Variants in FSTL4 observed in about 807,000 individuals in gnomAD.
FSTL4 encodes follistatin-related protein 4.
FSTL4 carries 28 observed loss-of-function variants against 78.2 expected under a neutral mutation model. The ratio of observed to expected loss-of-function variants is 0.36; its 90% CI spans 0.27 to 0.49. The LOEUF (loss-of-function observed/expected upper bound fraction) is 0.49. Ranked by LOEUF, FSTL4 falls within the 20% of genes least tolerant of loss-of-function variation. The pLI, the probability that FSTL4 is intolerant of heterozygous loss-of-function variation, is 0.98. For missense variants in FSTL4, 922 were observed against 1,084.9 expected (o/e 0.85, Z 2.11); for synonymous variants, 422 against 440.5 (o/e 0.96, Z 0.53).
chr5:133,530,394 C>T (rs1231774289), intron 3 of FSTL4, among the ~76,000 whole-genome samples: 2 of 152,224 alleles, frequency 1.3e-5, no homozygotes, highest in Admixed American at 1.3e-4. Context: ...TCAGCACCTT[C>T]GCTGCCTGCT....
rs565788509 is a variant in FSTL4 at position 133,541,466 on chromosome 5, G to A, written c.160+25720C>T. Reference sequence around the variant, plus strand: ...ACCCTGTCATCTACGATTTGGCCTCGAAGTCCTACAGCATCACTTCCACAA... The same window carrying A: ...ACCCTGTCATCTACGATTTGGCCTCAAAGTCCTACAGCATCACTTCCACAA... On this transcript the variant is annotated intron_variant, in intron 3 of 15. Coordinates refer to ENST00000265342, the MANE Select transcript of FSTL4 (RefSeq NM_015082.2). 3.9e-5 allele frequency among the ~76,000 whole-genome samples: 6 copies of A among 152,200 alleles called. No homozygotes were observed. The East Asian group carries it at 5.8e-4, about 15-fold the overall frequency.
intron 4 of FSTL4, among the ~76,000 whole-genome samples, chr5:133,350,543 CT>C: frequency 6.6e-6 from 1 of 152,346 alleles, no homozygotes; most frequent in Admixed American, 6.5e-5. Context: ...GTTTTCTTTC[CT>C]ACAATCAAAA....
the FSTL4 span, among the ~76,000 whole-genome samples, chr5:133,766,505 G>C: frequency 6.6e-6 from 1 of 152,198 alleles, no homozygotes; most frequent in South Asian, 2.1e-4. Flanking sequence ...GAATTTATTG[G>C]TTGCCTGGAG....
At chr5:133,594,668 G>A (rs2112970544) in intron 2 of FSTL4, among the ~76,000 whole-genome samples, 1 of 152,334 alleles carries the variant, frequency 6.6e-6, no homozygotes, top group South Asian at 2.1e-4. Context: ...CCACATGAAA[G>A]CCTACTTACC....
chr5:133,770,062 C>T, the FSTL4 span, among the ~76,000 whole-genome samples: 40 of 151,712 alleles, frequency 2.6e-4, no homozygotes, highest in South Asian at 6.3e-4. Flanking sequence ...AGTAGTATTC[C>T]GTGGGGTGTG....
chr5:133,795,295 G>A, the FSTL4 span, among the ~76,000 whole-genome samples: 1 of 152,328 alleles, frequency 6.6e-6, no homozygotes, highest in East Asian at 1.9e-4. Flanking sequence ...TGCAGAGTGA[G>A]CAAATGCGCC....
intron 2 of FSTL4, among the ~76,000 whole-genome samples, chr5:133,571,822 C>T (rs1760161692): frequency 6.6e-6 from 1 of 152,062 alleles, no homozygotes. Flanking sequence ...GAAGCTAGAT[C>T]AGTAAAAATT....
At chr5:133,297,938 C>G (rs949276444) in intron 6 of FSTL4, among the ~76,000 whole-genome samples, 12 of 152,306 alleles carry the variant, frequency 7.9e-5, no homozygotes, top group Admixed American at 2.0e-4. Context: ...TATCCCTAGC[C>G]ACTGGTACCT....
the FSTL4 span, among the ~76,000 whole-genome samples, chr5:133,764,234 T>G: frequency 6.6e-6 from 1 of 152,150 alleles, no homozygotes; most frequent in African/African-American, 2.4e-5. Context: ...AGCCCAGCCT[T>G]CCTAGAAAAC....
the FSTL4 span, among the ~76,000 whole-genome samples, chr5:133,626,561 C>T: frequency 6.6e-6 from 1 of 150,910 alleles, no homozygotes; most frequent in Admixed American, 6.6e-5. Context: ...TGCTTTATGT[C>T]CCATAATTTT....
At chr5:133,756,518 T>C in the FSTL4 span, among the ~76,000 whole-genome samples, 1 of 152,050 alleles carries the variant, frequency 6.6e-6, no homozygotes, top group Non-Finnish European at 1.5e-5. Flanking sequence ...GTTTTAAAGC[T>C]CTAAATTCCA....
At chr5:133,358,964 C>G (rs1755007011) in intron 4 of FSTL4, among the ~76,000 whole-genome samples, 1 of 152,212 alleles carries the variant, frequency 6.6e-6, no homozygotes, top group Admixed American at 6.5e-5. Flanking sequence ...ATGATCCCAA[C>G]ATGCAGAGTG....
chr5:133,545,180 T>G (rs1759550883), intron 3 of FSTL4, among the ~76,000 whole-genome samples: 1 of 152,172 alleles, frequency 6.6e-6, no homozygotes, highest in Non-Finnish European at 1.5e-5. Context: ...GCCTGACTTC[T>G]GGACAAAAAG....
chr5:133,362,638 T>C (rs1176100130), intron 4 of FSTL4, among the ~76,000 whole-genome samples: 1 of 152,268 alleles, frequency 6.6e-6, no homozygotes, highest in Non-Finnish European at 1.5e-5. Context: ...GCTGTGTGCC[T>C]GTGCACATGG....
chr5:133,435,034 AT>A (rs1757009496), intron 3 of FSTL4, among the ~76,000 whole-genome samples: 1 of 151,974 alleles, frequency 6.6e-6, no homozygotes, highest in African/African-American at 2.4e-5. Flanking sequence ...AACTCCAACT[AT>A]TTTTCCCCAG....
At chr5:133,502,831 C>T (rs1048376595) in intron 3 of FSTL4, among the ~76,000 whole-genome samples, 2 of 152,148 alleles carry the variant, frequency 1.3e-5, no homozygotes, top group Non-Finnish European at 2.9e-5. Context: ...TCAGGTATTT[C>T]TTTATAGCAC....
intron 3 of FSTL4, among the ~76,000 whole-genome samples, chr5:133,548,946 A>G (rs938116325): frequency 2.0e-5 from 3 of 152,200 alleles, no homozygotes; most frequent in African/African-American, 7.2e-5. Flanking sequence ...AGATATTCCA[A>G]TGCTTTCTGA....
chr5:133,740,976 G>A, the FSTL4 span, among the ~76,000 whole-genome samples: 1 of 152,010 alleles, frequency 6.6e-6, no homozygotes, highest in African/African-American at 2.4e-5. Context: ...TGGATGGATG[G>A]ATGGGAGGGT....
At chr5:133,437,591 G>A (rs1757063117) in intron 3 of FSTL4, among the ~76,000 whole-genome samples, 1 of 143,518 alleles carries the variant, frequency 7.0e-6, no homozygotes, top group Non-Finnish European at 1.5e-5. Context: ...CTGGGCTCAA[G>A]TGATTCTCCT....
Sources: allele counts gnomAD v4.1 joint callset (sites outside exome capture counted in the v4.1 genomes callset), GRCh38; gene constraint gnomAD v4.1.1; transcripts MANE v1.5; gene names NCBI Gene and HGNC (gene_info 2026-07-23, HGNC 2026-07-21).